CLIC4: variants seen among roughly 807,000 people sequenced by gnomAD.
CLIC4 encodes chloride intracellular channel protein 4.
Under a neutral mutation model 24.6 loss-of-function variants are expected in CLIC4, and 13 were observed. The ratio of observed to expected loss-of-function variants is 0.53; its 90% CI spans 0.34 to 0.84. The LOEUF (loss-of-function observed/expected upper bound fraction) is 0.84. Among genes scored for constraint, CLIC4 ranks in the 40% least tolerant of loss-of-function variants. The pLI is 0.01. For synonymous variants in CLIC4, 104 were observed against 111.3 expected, an observed-to-expected ratio of 0.93 and a Z score of 0.41; for missense variants, 227 against 301.7, an observed-to-expected ratio of 0.75 and a Z score of 1.83.
At position 24,764,329 on chromosome 1, in the gene CLIC4, A is replaced by G. The variant is rs144449974; in HGVS notation, c.72+18704A>G. On this transcript the variant is annotated intron_variant, in intron 1 of 5. Transcript: ENST00000374379. ...TGGTCAGGGTGGTCTCGAACTCCCAACCTCAGGTGATCCACCTGCCTTGGC... is the reference window on the plus strand; with the variant it reads ...TGGTCAGGGTGGTCTCGAACTCCCAGCCTCAGGTGATCCACCTGCCTTGGC... 7.2e-3 allele frequency among the ~76,000 whole-genome samples: 1,087 copies of G among 151,668 alleles called. 12 individuals are homozygous for G. The highest frequency in any genetic ancestry group is 0.025 in the African/African-American group (1,025 of 41,446).
chr1:24,816,525 G>A (rs1248270155), intron 3 of CLIC4, among the ~76,000 whole-genome samples: 5 of 152,044 alleles, frequency 3.3e-5, no homozygotes, highest in African/African-American at 1.2e-4. Flanking sequence ...TTACAGGTGT[G>A]GTATGAGCCA....
intron 1 of CLIC4, among the ~76,000 whole-genome samples, chr1:24,768,880 G>A (rs528589379): frequency 2.1e-5 from 3 of 142,506 alleles, no homozygotes; most frequent in Admixed American, 7.3e-5. Context: ...CAGCCTGGGC[G>A]ACAGAGTGAG....
chr1:24,779,694 C>T (rs933254813), intron 1 of CLIC4, among the ~76,000 whole-genome samples: 7 of 152,118 alleles, frequency 4.6e-5, no homozygotes, highest in Admixed American at 2.0e-4. Context: ...TTTCCTTGAC[C>T]CAGTTGCTCA....
intron 1 of CLIC4, among the ~76,000 whole-genome samples, chr1:24,745,996 G>A (rs1321183311): frequency 6.6e-6 from 1 of 150,770 alleles, no homozygotes; most frequent in Non-Finnish European, 1.5e-5. Context: ...CGGGCGCCGG[G>A]GCCCGGCCCC....
intron 1 of CLIC4, among the ~76,000 whole-genome samples, chr1:24,778,161 C>G (rs1380968745): frequency 6.6e-6 from 1 of 152,114 alleles, no homozygotes; most frequent in Non-Finnish European, 1.5e-5. Flanking sequence ...CTTCTTTGCT[C>G]TGGTGTAAGA....
At chr1:24,761,726 C>A (rs1638930092) in intron 1 of CLIC4, among the ~76,000 whole-genome samples, 1 of 152,064 alleles carries the variant, frequency 6.6e-6, no homozygotes, top group Admixed American at 6.5e-5. Flanking sequence ...ATAAGGACAA[C>A]TATTTGGAGG....
At chr1:24,826,468 C>T (rs1557814105) in intron 3 of CLIC4, among the ~76,000 whole-genome samples, 2 of 152,178 alleles carry the variant, frequency 1.3e-5, no homozygotes, top group Admixed American at 6.5e-5. Flanking sequence ...GTTGGCACTG[C>T]TGTTTGAGAA....
At chr1:24,783,215 T>G (rs1261915163) in intron 1 of CLIC4, among the ~76,000 whole-genome samples, 3 of 152,150 alleles carry the variant, frequency 2.0e-5, no homozygotes, top group Non-Finnish European at 4.4e-5. Flanking sequence ...TAAATTAATC[T>G]CTCTCCCCAC....
intron 1 of CLIC4, among the ~76,000 whole-genome samples, chr1:24,763,354 A>G (rs1638951214): frequency 6.6e-6 from 1 of 151,996 alleles, no homozygotes; most frequent in Non-Finnish European, 1.5e-5. Context: ...AGCCTGACTA[A>G]TATGGAGAAA....
intron 1 of CLIC4, among the ~76,000 whole-genome samples, chr1:24,759,325 G>A (rs1397006732): frequency 6.6e-6 from 1 of 152,184 alleles, no homozygotes; most frequent in Non-Finnish European, 1.5e-5. Context: ...CATGCACTAA[G>A]TGCTGGAGAG....
chr1:24,787,966 C>T (rs1256143121), intron 1 of CLIC4, among the ~76,000 whole-genome samples: 3 of 152,100 alleles, frequency 2.0e-5, no homozygotes, highest in South Asian at 2.1e-4. Flanking sequence ...AGTGATTCTC[C>T]TCCCTCAGCT....
At chr1:24,795,491 C>G (rs1639387716) in intron 1 of CLIC4, among the ~76,000 whole-genome samples, 1 of 151,610 alleles carries the variant, frequency 6.6e-6, no homozygotes, top group Admixed American at 6.6e-5. Flanking sequence ...CTGTGAGTAA[C>G]CACTGCACAC....
At chr1:24,748,529 A>G (rs186451864) in intron 1 of CLIC4, among the ~76,000 whole-genome samples, 1 of 113,382 alleles carries the variant, frequency 8.8e-6, no homozygotes, top group African/African-American at 3.5e-5. Flanking sequence ...TTTTAATGAG[A>G]TGGTGTCTCG....
At chr1:24,785,957 TTTAAG>T (rs1639263402) in intron 1 of CLIC4, among the ~76,000 whole-genome samples, 1 of 152,132 alleles carries the variant, frequency 6.6e-6, no homozygotes, top group Non-Finnish European at 1.5e-5. Flanking sequence ...TTTTTGGACT[TTTAAG>T]TTAGTCTAAA....
intron 1 of CLIC4, among the ~76,000 whole-genome samples, chr1:24,789,455 T>C (rs968705853): frequency 2.0e-5 from 3 of 152,158 alleles, no homozygotes; most frequent in Non-Finnish European, 4.4e-5. Context: ...GAGGCAGAGG[T>C]TGCAGTGAGC....
intron 1 of CLIC4, among the ~76,000 whole-genome samples, chr1:24,782,022 T>A (rs1639211644): frequency 6.6e-6 from 1 of 152,200 alleles, no homozygotes; most frequent in Non-Finnish European, 1.5e-5. Flanking sequence ...TTATGTTAGG[T>A]AATTGATCAT....
chr1:24,745,663 C>T, intron 1 of CLIC4, 38 bp downstream of exon 1: 9 of 1,499,518 alleles, frequency 6.0e-6, no homozygotes, highest in Non-Finnish European at 8.1e-6. Flanking sequence ...GGCAGATCCC[C>T]CGGCTCCCTC....
intron 4 of CLIC4, among the ~76,000 whole-genome samples, chr1:24,836,463 C>T (rs1639886292): frequency 7.0e-6 from 1 of 143,340 alleles, no homozygotes; most frequent in African/African-American, 2.4e-5. Context: ...GGCCATAAAA[C>T]AAAGCTAAAA....
intron 1 of CLIC4, among the ~76,000 whole-genome samples, chr1:24,780,745 A>T (rs1242457369): frequency 1.3e-5 from 2 of 152,192 alleles, no homozygotes; most frequent in African/African-American, 4.8e-5. Context: ...TTTTTACAAG[A>T]TCGTCTAATA....
Sources: allele counts gnomAD v4.1 joint callset (sites outside exome capture counted in the v4.1 genomes callset), GRCh38; gene constraint gnomAD v4.1.1; transcripts MANE v1.5; gene names NCBI Gene and HGNC (gene_info 2026-07-23, HGNC 2026-07-21).